The following OR52B4 variants were observed in gnomAD, a reference collection of about 807,000 sequenced individuals.
OR52B4 encodes olfactory receptor 52B4.
For synonymous variants in OR52B4, 182 were observed against 142.3 expected, an observed-to-expected ratio of 1.28 and a Z score of -1.98; for missense variants, 450 against 387.0, an observed-to-expected ratio of 1.16 and a Z score of -1.36.
chr11:4,368,308 C>G lies in OR52B4; in HGVS notation c.-13G>C. The G allele has an allele frequency of 1.4e-6, 2 of 1,433,960 alleles. No individual in the cohort carries two copies. The highest frequency in any genetic ancestry group is 1.9e-6 in the Non-Finnish European group (2 of 1,026,766). 88.8% of individuals were successfully genotyped at this position (1,433,960 alleles called of 1,614,324 possible). On this transcript the variant is annotated 5_prime_UTR_variant, in exon 1 of 1. Coordinates refer to ENST00000624801, the MANE Select transcript of OR52B4 (RefSeq NM_001005161.3). ...TTACAGTAGGCATAGCTGGGGAGAA[C>G]TTTCAGAACCTCACCTCCTACTCAC...
chr11:4,368,058 T>A lies in OR52B4; in HGVS notation c.238A>T (p.Ile80Phe). The A allele has an allele frequency of 1.2e-6, 2 of 1,613,958 alleles. No individual in the cohort carries two copies. The highest frequency in any genetic ancestry group is 1.7e-6 in the Non-Finnish European group (2 of 1,179,990). Residue 80 changes from isoleucine to phenylalanine, a missense_variant, in exon 1 of 1, where the codon ATT (isoleucine) becomes TTT (phenylalanine). Ile to Phe is a conservative substitution (Grantham distance 21, BLOSUM62 0). Coordinates refer to ENST00000624801, the MANE Select transcript of OR52B4 (RefSeq NM_001005161.3). ...GADIVLSTCT[I>F]PQALAIFWFR... ...CAGAAGATAGCTAAGGCCTGAGGAA[T>A]GGTGCACGTGGAGAGGACAATGTCT...
rs760104294 is a variant in OR52B4, at chr11:4,368,312, C to T, written c.-17G>A. 1.2e-5 allele frequency: 17 copies of T among 1,384,866 alleles called. No homozygotes were observed. Among genetic ancestry groups the T allele is most frequent in the Non-Finnish European group, 1.1e-5 (11 of 982,754 alleles). The allele number at this position is 1,384,866 out of a possible 1,614,324, so 85.8% of individuals were successfully genotyped here. On this transcript the variant is annotated 5_prime_UTR_variant, in exon 1 of 1. Coordinates refer to ENST00000624801, the MANE Select transcript of OR52B4 (RefSeq NM_001005161.3). The stretch of plus-strand genomic sequence containing the variant: ...AGTAGGCATAGCTGGGGAGAACTTT[C>T]AGAACCTCACCTCCTACTCACAGAG...
At position 4,367,315 on chromosome 11, in the gene OR52B4, G is replaced by A; in HGVS notation, c.*36C>T. On this transcript the variant is annotated 3_prime_UTR_variant, in exon 1 of 1. Transcript: ENST00000624801. ...CACTTTCATACCCACTTACCAGATA[G>A]CTAGAGATTCTGAAAACTCAGTTCT... is the stretch of plus-strand genomic sequence containing the variant. 7.3e-7 allele frequency: 1 copy of A among 1,368,796 alleles called. No individual in the cohort carries two copies. Among genetic ancestry groups the A allele is most frequent in the Non-Finnish European group, 1.0e-6 (1 of 975,884 alleles). 84.8% of individuals were successfully genotyped at this position (1,368,796 alleles called of 1,614,324 possible).
In OR52B4 at chr11:4,368,065, C is replaced by G; in HGVS notation, c.231G>C (p.Thr77=). 6.2e-7 allele frequency: 1 copy of G among 1,613,846 alleles called. No individual in the cohort carries two copies. The highest frequency in any genetic ancestry group is 1.1e-5 in the South Asian group (1 of 91,074). Residue 77 remains threonine (T), a synonymous_variant, in exon 1 of 1, where the codon ACG becomes ACC. Transcript: ENST00000624801. ...TAGCTAAGGCCTGAGGAATGGTGCA[C>G]GTGGAGAGGACAATGTCTGCTCCAG... The part of the protein sequence containing the change: ...MLAGADIVLS[T]CTIPQALAIF...
Position 4,367,434 on chromosome 11 carries a change from T to C in OR52B4, c.862A>G (p.Met288Val). Reference protein sequence around the residue: ...LANVCILAPPMLNPIIYGIKT... With the variant: ...LANVCILAPPVLNPIIYGIKT... ...ATCCCATAAATAATGGGATTCAGCA[T>C]AGGTGGAGCCAGAATGCAGACATTA... Residue 288 changes from methionine (M) to valine (V), a missense_variant, in exon 1 of 1, where the codon ATG becomes GTG. By Grantham distance (21) the Met-to-Val change is conservative. Transcript: ENST00000624801. 6.2e-7 allele frequency: 1 copy of C among 1,613,944 alleles called. No individual in the cohort carries two copies. The highest frequency in any genetic ancestry group is 8.5e-7 in the Non-Finnish European group (1 of 1,179,878).
Position 4,367,759 on chromosome 11 carries a change from G to A in OR52B4, c.537C>T (p.Thr179=). The A allele has an allele frequency of 1.2e-6, 2 of 1,613,830 alleles. No individual in the cohort carries two copies. Among genetic ancestry groups the A allele is most frequent in the Middle Eastern group, 1.7e-4 (1 of 6,058 alleles). The part of the protein sequence containing the change: ...TFCQNNIIPH[T]FCEHIGLAKY... ...TGGCTAGGCCAATGTGTTCACAAAA[G>A]GTGTGTGGAATAATATTATTCTGGC... The change falls in exon 1 of 1, where the codon ACC becomes ACT. Residue 179 remains threonine (T), a synonymous_variant. Transcript: ENST00000624801.
chr11:4,367,562 G>A lies in OR52B4; in HGVS notation c.734C>T (p.Ser245Phe), dbSNP rs184336656. 21 of 1,614,016 alleles carry A rather than the reference G, an allele frequency of 1.3e-5. No homozygotes were observed. In the East Asian group the frequency reaches 4.2e-4, roughly 33 times the overall value. The part of the protein sequence containing the change: ...ACHKALNTFG[S>F]HVCIIILFYG... ...AAAGAGGATGATGATGCAGACATGG[G>A]AGCCAAATGTGTTGAGAGCTTTGTG... Residue 245 changes from serine to phenylalanine, a missense_variant, in exon 1 of 1, where the codon TCC (serine) becomes TTC (phenylalanine). By Grantham distance (155) the Ser-to-Phe change is radical (BLOSUM62 -2). Transcript: ENST00000624801.
rs781025486 is a variant in OR52B4 at position 4,367,975 on chromosome 11, A to G, written c.321T>C (p.His107=). ...DRCITQLFFI[H]STFISESGIL... ...TCCCTGACTCAGAGATGAAGGTGGA[A>G]TGGATGAAGAAGAGCTGAGTGATGC... Residue 107 remains histidine, a synonymous_variant, in exon 1 of 1, where the codon CAT becomes CAC. Coordinates refer to ENST00000624801, the MANE Select transcript of OR52B4 (RefSeq NM_001005161.3). The G allele has an allele frequency of 6.2e-7, 1 of 1,614,012 alleles. No individual in the cohort carries two copies. The highest frequency in any genetic ancestry group is 8.5e-7 in the Non-Finnish European group (1 of 1,179,992).
In OR52B4 at chr11:4,367,959, C is replaced by T. The variant is rs372707235; in HGVS notation, c.337G>A (p.Glu113Lys). ...GCCATCACCAGCAAGATCCCTGACT[C>T]AGAGATGAAGGTGGAATGGATGAAG... ...LFFIHSTFIS[E>K]SGILLVMAFD... Residue 113 changes from glutamate to lysine, a missense_variant, in exon 1 of 1, where the codon GAG (glutamate) becomes AAG (lysine). By Grantham distance (56) the Glu-to-Lys change is moderately conservative. Transcript: ENST00000624801. 1.2e-6 allele frequency: 2 copies of T among 1,613,962 alleles called. No individual in the cohort carries two copies. Among genetic ancestry groups the T allele is most frequent in the Non-Finnish European group, 1.7e-6 (2 of 1,179,984 alleles).
Position 4,367,902 on chromosome 11 carries a change from G to T in OR52B4, c.394C>A (p.Leu132Met). Reference protein sequence around the residue: ...FDHYIAICYPLRYTTILTNAL... With the variant: ...FDHYIAICYPMRYTTILTNAL... ...TTTGTAAGAATGGTGGTGTACCTCA[G>T]TGGGTAGCATATGGCAATATAGTGG... Residue 132 changes from leucine to methionine, a missense_variant, in exon 1 of 1, where the codon CTG becomes ATG. Physicochemically the swap from Leu to Met is conservative, Grantham distance 15 (BLOSUM62 2). Coordinates refer to ENST00000624801, the MANE Select transcript of OR52B4 (RefSeq NM_001005161.3). The T allele has an allele frequency of 6.2e-7, 1 of 1,614,054 alleles. No homozygotes were observed. Among genetic ancestry groups the T allele is most frequent in the African/African-American group, 1.3e-5 (1 of 75,026 alleles).
At position 4,368,233 on chromosome 11, in the gene OR52B4, G is replaced by A. The variant is rs200393131; in HGVS notation, c.63C>T (p.Gly21=). Residue 21 remains glycine (G), a synonymous_variant, in exon 1 of 1, where the codon GGC becomes GGT. Transcript: ENST00000624801. The part of the protein sequence containing the change: ...HTVFHLLGIP[G]LQDQHMWISI... ...AAATCCACATGTGCTGGTCCTGTAG[G>A]CCAGGGATGCCCAGCAAGTGGAAGA... 1.9e-6 allele frequency: 3 copies of A among 1,613,794 alleles called. No homozygotes were observed. The highest frequency in any genetic ancestry group is 1.7e-6 in the Non-Finnish European group (2 of 1,179,772).
chr11:4,367,521 A>G lies in OR52B4; in HGVS notation c.775T>C (p.Phe259Leu). Residue 259 changes from phenylalanine to leucine, a missense_variant, in exon 1 of 1, where the codon TTC (phenylalanine) becomes CTC (leucine). Coordinates refer to ENST00000624801, the MANE Select transcript of OR52B4 (RefSeq NM_001005161.3). ...IIILFYGSGI[F>L]TILTQRFGRH... ...CCAAACCTCTGGGTAAGGATTGTGA[A>G]GATGCCAGACCCATAAAAGAGGATG... 1 of 1,614,088 alleles carries G rather than the reference A, an allele frequency of 6.2e-7. No individual in the cohort carries two copies. Among genetic ancestry groups the G allele is most frequent in the Non-Finnish European group, 8.5e-7 (1 of 1,179,966 alleles).
chr11:4,368,270 G>T lies in OR52B4; in HGVS notation c.26C>A (p.Thr9Asn). The T allele has an allele frequency of 6.2e-7, 1 of 1,610,806 alleles. No individual in the cohort carries two copies. Among genetic ancestry groups the T allele is most frequent in the Non-Finnish European group, 8.5e-7 (1 of 1,177,546 alleles). Residue 9 changes from threonine to asparagine, a missense_variant, in exon 1 of 1, where the codon ACT becomes AAT. By Grantham distance (65) the Thr-to-Asn change is moderately conservative. Transcript: ENST00000624801. MPTVNHSG[T>N]SHTVFHLLGI... ...CAGCAAGTGGAAGACTGTGTGGCTA[G>T]TGCCACTGTGGTTTACAGTAGGCAT... is the stretch of plus-strand genomic sequence containing the variant.
Position 4,368,339 on chromosome 11 carries a change from T to C in OR52B4, c.-44A>G. Reference sequence around the variant, plus strand: ...GAACCTCACCTCCTACTCACAGAGGTAGAAGAAGATAAAATCTGCAACATT... The same window carrying C: ...GAACCTCACCTCCTACTCACAGAGGCAGAAGAAGATAAAATCTGCAACATT... On this transcript the variant is annotated 5_prime_UTR_variant, in exon 1 of 1. Coordinates refer to ENST00000624801, the MANE Select transcript of OR52B4 (RefSeq NM_001005161.3). 1 of 1,025,092 alleles carries C rather than the reference T, an allele frequency of 9.8e-7. No homozygotes were observed. The highest frequency in any genetic ancestry group is 1.5e-5 in the South Asian group (1 of 66,778). 63.5% of individuals were successfully genotyped at this position (1,025,092 alleles called of 1,614,324 possible).
Position 4,367,663 on chromosome 11 carries a change from T to C in OR52B4, c.633A>G (p.Leu211=). 1 of 1,613,882 alleles carries C rather than the reference T, an allele frequency of 6.2e-7. No homozygotes were observed. Among genetic ancestry groups the C allele is most frequent in the Non-Finnish European group, 8.5e-7 (1 of 1,179,900 alleles). ...GFSILMSTVV[L]DVVLIFISYM... ...AGGAAATAAAAATTAGTACAACATC[T>C]AAGACCACCGTCGACATTAGAATGG... The change falls in exon 1 of 1, where the codon TTA becomes TTG. Residue 211 remains leucine (L), a synonymous_variant. Transcript: ENST00000624801.
chr11:4,367,406 T>C lies in OR52B4; in HGVS notation c.890A>G (p.Lys297Arg). Residue 297 changes from lysine (K) to arginine (R), a missense_variant, in exon 1 of 1, where the codon AAA becomes AGA. Transcript: ENST00000624801. ...PMLNPIIYGIKTKQIQEQVVQ... is the reference protein window; with the variant it reads ...PMLNPIIYGIRTKQIQEQVVQ... ...CACCTGTTCCTGGATTTGCTTGGTT[T>C]TGATCCCATAAATAATGGGATTCAG... The C allele has an allele frequency of 6.2e-7, 1 of 1,613,552 alleles. No individual in the cohort carries two copies. The highest frequency in any genetic ancestry group is 8.5e-7 in the Non-Finnish European group (1 of 1,179,588).
chr11:4,367,905 G>C lies in OR52B4; in HGVS notation c.391C>G (p.Pro131Ala). The change falls in exon 1 of 1, where the codon CCA becomes GCA. Residue 131 changes from proline to alanine, a missense_variant. By Grantham distance (27) the Pro-to-Ala change is conservative. Transcript: ENST00000624801. ...GTAAGAATGGTGGTGTACCTCAGTG[G>C]GTAGCATATGGCAATATAGTGGTCA... ...AFDHYIAICYPLRYTTILTNA... is the reference protein window; with the variant it reads ...AFDHYIAICYALRYTTILTNA... 1.2e-6 allele frequency: 2 copies of C among 1,613,958 alleles called. No homozygotes were observed. Among genetic ancestry groups the C allele is most frequent in the South Asian group, 1.1e-5 (1 of 91,074 alleles).
rs372707235 is a variant in OR52B4 at position 4,367,959 on chromosome 11, C to G, written c.337G>C (p.Glu113Gln). ...GCCATCACCAGCAAGATCCCTGACTCAGAGATGAAGGTGGAATGGATGAAG... is the reference window on the plus strand; with the variant it reads ...GCCATCACCAGCAAGATCCCTGACTGAGAGATGAAGGTGGAATGGATGAAG... ...LFFIHSTFISESGILLVMAFD... is the reference protein window; with the variant it reads ...LFFIHSTFISQSGILLVMAFD... The change falls in exon 1 of 1, where the codon GAG becomes CAG. Residue 113 changes from glutamate (E) to glutamine (Q), a missense_variant. Physicochemically the swap from Glu to Gln is conservative, Grantham distance 29 (BLOSUM62 2). Coordinates refer to ENST00000624801, the MANE Select transcript of OR52B4 (RefSeq NM_001005161.3). 2 of 1,613,962 alleles carry G rather than the reference C, an allele frequency of 1.2e-6. No individual in the cohort carries two copies. The highest frequency in any genetic ancestry group is 2.2e-5 in the South Asian group (2 of 91,076).
Position 4,368,057 on chromosome 11 carries a change from AT to A in OR52B4, c.238del (p.Ile80PhefsTer5), listed in dbSNP as rs1486028809. ...GADIVLSTCT[I>X]PQALAIFWFR... ...CCAGAAGATAGCTAAGGCCTGAGGAATGGTGCACGTGGAGAGGACAATGTCT... is the reference window on the plus strand; with the variant it reads ...CCAGAAGATAGCTAAGGCCTGAGGAAGGTGCACGTGGAGAGGACAATGTCT... On this transcript the variant is annotated frameshift_variant, in exon 1 of 1. Transcript: ENST00000624801. LOFTEE classifies it low-confidence loss of function (END_TRUNC). 6.2e-7 allele frequency: 1 copy of A among 1,613,994 alleles called. No homozygotes were observed. The highest frequency in any genetic ancestry group is 1.7e-5 in the Admixed American group (1 of 59,968).
Sources: gnomAD v4.1 joint callset for allele counts on GRCh38, gnomAD v4.1.1 for gene constraint, MANE v1.5 for transcripts, NCBI Gene and HGNC (gene_info 2026-07-23, HGNC 2026-07-21) for gene names.